FBN2: variants seen among roughly 807,000 people sequenced by gnomAD.
FBN2 encodes the protein fibrillin-2.
In FBN2, 105 loss-of-function variants were observed where a neutral mutation model predicts 355.6. That is an observed-to-expected ratio of 0.30 (90% confidence interval 0.25 to 0.35). FBN2 has a LOEUF of 0.35. Among genes scored for constraint, FBN2 ranks in the 10% least tolerant of loss-of-function variants. The pLI, the probability that FBN2 is intolerant of heterozygous loss-of-function variation, is 1.00. For missense variants in FBN2, 3,280 were observed against 3,758.7 expected (o/e 0.87, Z 3.33); for synonymous variants, 1,350 against 1,301.2 (o/e 1.04, Z -0.81).
At chr5:128,299,827 T>C (rs1306787532) in intron 48 of FBN2, among the ~76,000 whole-genome samples, 4 of 152,224 alleles carry the variant, frequency 2.6e-5, no homozygotes, top group Admixed American at 2.6e-4. Flanking sequence ...CTGTTCCTAT[T>C]TGGCCATCTT....
At chr5:128,285,760 T>C (rs748510812) in intron 55 of FBN2, among the ~76,000 whole-genome samples, 19 of 151,956 alleles carry the variant, frequency 1.3e-4, no homozygotes, top group South Asian at 2.1e-4. Context: ...CAGTGCTTAC[T>C]CCCTCTTTCC....
chr5:128,260,737 G>A (rs1764943802), intron 64 of FBN2, among the ~76,000 whole-genome samples: 1 of 152,168 alleles, frequency 6.6e-6, no homozygotes, highest in Non-Finnish European at 1.5e-5. Flanking sequence ...ATAGCATCAT[G>A]AACTTTTTGG....
chr5:128,275,943 G>T, intron 59 of FBN2, 95 bp downstream of exon 59: 2 of 1,374,588 alleles, frequency 1.5e-6, no homozygotes, highest in Non-Finnish European at 2.1e-6. Context: ...TTTAATGAAG[G>T]TGATGCACAT....
At chr5:128,291,255 GACA>G (rs1186277832) in intron 49 of FBN2, among the ~76,000 whole-genome samples, 2 of 151,980 alleles carry the variant, frequency 1.3e-5, no homozygotes, top group Admixed American at 1.3e-4. Flanking sequence ...AAAAAGCTAT[GACA>G]ACAACAAAAT....
At chr5:128,264,667 T>C (rs1247627497) in intron 62 of FBN2, among the ~76,000 whole-genome samples, 1 of 152,242 alleles carries the variant, frequency 6.6e-6, no homozygotes, top group Non-Finnish European at 1.5e-5. Context: ...ATCTGTTCCA[T>C]GGAATTCTTT....
At chr5:128,326,666 A>T (rs550850139) in intron 34 of FBN2, among the ~76,000 whole-genome samples, 1 of 152,298 alleles carries the variant, frequency 6.6e-6, no homozygotes, top group Non-Finnish European at 1.5e-5. Context: ...CCTTGTGGAG[A>T]GGAGAGAAAA....
chr5:128,514,197 T>G (rs944342920), intron 5 of FBN2, among the ~76,000 whole-genome samples: 7 of 152,206 alleles, frequency 4.6e-5, no homozygotes, highest in Non-Finnish European at 8.8e-5. Flanking sequence ...TTAGGGTAAT[T>G]GGTCATGAAT....
chr5:128,393,204 C>T lies in FBN2; in HGVS notation c.1396G>A (p.Gly466Ser). The T allele has an allele frequency of 6.2e-7, 1 of 1,614,180 alleles. No individual in the cohort carries two copies. Among genetic ancestry groups the T allele is most frequent in the Non-Finnish European group, 8.5e-7 (1 of 1,180,026 alleles). The part of the protein sequence containing the change: ...TGFIPIPGGN[G>S]FSPGVGGAGV... ...GCTCCCCCAACGCCAGGAGAAAAGC[C>T]ATTGCCTCCAGGGATGGGGATGAAG... The change falls in exon 10 of 65, where the codon GGC becomes AGC. Residue 466 changes from glycine (G) to serine (S), a missense_variant. Around this residue, in one of 6 missense-constraint regions of FBN2, gnomAD observed 343 missense variants for 331.0 expected, o/e 1.04. Transcript: ENST00000262464.
At chr5:128,410,059 C>T (rs1372392961) in intron 7 of FBN2, among the ~76,000 whole-genome samples, 4 of 152,156 alleles carry the variant, frequency 2.6e-5, no homozygotes, top group Non-Finnish European at 5.9e-5. Context: ...CAGATTCAGA[C>T]ATTCTATGAA....
chr5:128,495,186 T>C (rs1011951108), intron 5 of FBN2, among the ~76,000 whole-genome samples: 5 of 140,790 alleles, frequency 3.6e-5, no homozygotes, highest in South Asian at 2.3e-4. Flanking sequence ...CAAGAGTAGA[T>C]TGGAACTCGC....
At chr5:128,296,294 TTC>T (rs1233428922) in intron 48 of FBN2, among the ~76,000 whole-genome samples, 2 of 152,012 alleles carry the variant, frequency 1.3e-5, no homozygotes, top group Non-Finnish European at 2.9e-5. Flanking sequence ...TGGTCTAAAA[TTC>T]TCTTTTTTGG....
intron 5 of FBN2, among the ~76,000 whole-genome samples, chr5:128,513,637 TAA>T (rs1486153064): frequency 6.6e-6 from 1 of 152,224 alleles, no homozygotes; most frequent in Non-Finnish European, 1.5e-5. Context: ...AGCAGACTCT[TAA>T]ATTAAGGATT....
At chr5:128,471,971 A>G (rs556744207) in intron 5 of FBN2, among the ~76,000 whole-genome samples, 2 of 152,372 alleles carry the variant, frequency 1.3e-5, no homozygotes, top group South Asian at 2.1e-4. Flanking sequence ...TAAACTAGGT[A>G]TGAAAATAGA....
chr5:128,451,062 T>C (rs1754227547), intron 6 of FBN2, among the ~76,000 whole-genome samples: 1 of 152,166 alleles, frequency 6.6e-6, no homozygotes, highest in African/African-American at 2.4e-5. Flanking sequence ...GCATCTTGTT[T>C]TTCTTCATTA....
At chr5:128,399,062 C>G (rs1186003192) in intron 8 of FBN2, among the ~76,000 whole-genome samples, 1 of 152,030 alleles carries the variant, frequency 6.6e-6, no homozygotes, top group African/African-American at 2.4e-5. Flanking sequence ...AATAAGAGTA[C>G]TAGGAAGAGT....
chr5:128,398,795 G>A (rs1189875586), intron 8 of FBN2, among the ~76,000 whole-genome samples: 5 of 152,112 alleles, frequency 3.3e-5, no homozygotes, highest in African/African-American at 7.2e-5. Context: ...GAATCACGGG[G>A]GCAGGACTTT....
chr5:128,275,441 TA>T (rs1003258114), intron 59 of FBN2, among the ~76,000 whole-genome samples: 4 of 100,692 alleles, frequency 4.0e-5, no homozygotes, highest in African/African-American at 1.3e-4. Context: ...TGCTTGCTAT[TA>T]TTTTTTTTTT....
intron 7 of FBN2, among the ~76,000 whole-genome samples, chr5:128,431,480 G>T (rs756890700): frequency 6.6e-6 from 1 of 152,024 alleles, no homozygotes; most frequent in African/African-American, 2.4e-5. Flanking sequence ...ATGTACTGTC[G>T]CCATAACTTT....
Position 128,340,038 on chromosome 5 carries a change from T to A in FBN2, c.3344-977A>T, listed in dbSNP as rs540043302. ...ATTACAGTAAATAATCTTCAGCAAC[T>A]ATATTCTCAAACACAGGGTTCTCTG... On this transcript the variant is annotated intron_variant, in intron 25 of 64. Transcript: ENST00000262464. Among the ~76,000 whole-genome samples, 10 of 152,354 alleles carry A rather than the reference T, an allele frequency of 6.6e-5. No homozygotes were observed. The South Asian group carries it at 1.9e-3, about 28-fold the overall frequency.
Sources: allele counts gnomAD v4.1 joint callset (sites outside exome capture counted in the v4.1 genomes callset), GRCh38; gene constraint gnomAD v4.1.1; regional missense constraint gnomAD v4.1.1; transcripts MANE v1.5; gene names NCBI Gene and HGNC (gene_info 2026-07-23, HGNC 2026-07-21).